The following CRADD variants were observed in gnomAD, a reference collection of about 807,000 sequenced individuals.
The protein encoded by CRADD is CARD and death domain containing adaptor protein.
Under a neutral mutation model 15.5 loss-of-function variants are expected in CRADD, and 9 were observed. The observed-to-expected ratio is 0.58, with a 90% CI of 0.35 to 1.01. The LOEUF (loss-of-function observed/expected upper bound fraction) is 1.01. Ranked by LOEUF, CRADD falls within the 50% of genes least tolerant of loss-of-function variation. The pLI is 0.02. For synonymous variants in CRADD, 118 were observed against 107.6 expected, an observed-to-expected ratio of 1.10 and a Z score of -0.60; for missense variants, 227 against 250.3, an observed-to-expected ratio of 0.91 and a Z score of 0.63.
intron 2 of CRADD, among the ~76,000 whole-genome samples, chr12:93,890,013 A>G (rs1031902017): frequency 1.3e-5 from 2 of 152,222 alleles, no homozygotes; most frequent in African/African-American, 4.8e-5. Context: ...CTCACCCCAT[A>G]CATACTCAGC....
chr12:93,697,918 A>G (rs574402726), intron 2 of CRADD, among the ~76,000 whole-genome samples: 17 of 152,286 alleles, frequency 1.1e-4, no homozygotes, highest in Non-Finnish European at 5.9e-5. Flanking sequence ...TATGAGCTCT[A>G]ATGATAATGA....
intron 2 of CRADD, among the ~76,000 whole-genome samples, chr12:93,813,273 A>C (rs1957649668): frequency 6.6e-6 from 1 of 152,258 alleles, no homozygotes; most frequent in African/African-American, 2.4e-5. Context: ...AAAAACTGGA[A>C]TCTAACGTGG....
chr12:93,768,645 A>G (rs1023434126), intron 2 of CRADD, among the ~76,000 whole-genome samples: 3 of 152,238 alleles, frequency 2.0e-5, no homozygotes, highest in African/African-American at 7.2e-5. Flanking sequence ...GTAATATATC[A>G]TGAACATGTT....
chr12:93,846,590 A>ACACACACGCGTG (rs762173726), intron 2 of CRADD: 2 of 145,758 alleles, frequency 1.4e-5, no homozygotes, highest in Non-Finnish European at 3.0e-5. Flanking sequence ...GAACACACAC[A>ACACACACGCGTG]CACACACACA....
At chr12:93,733,150 G>T (rs144949269) in intron 2 of CRADD, among the ~76,000 whole-genome samples, 4 of 152,148 alleles carry the variant, frequency 2.6e-5, no homozygotes, top group African/African-American at 9.7e-5. Flanking sequence ...TATCATTATT[G>T]TTATAAAGCT....
At chr12:93,822,067 G>A (rs1377199128) in intron 2 of CRADD, among the ~76,000 whole-genome samples, 3 of 151,624 alleles carry the variant, frequency 2.0e-5, no homozygotes, top group African/African-American at 4.8e-5. Context: ...GCAGTGAGCC[G>A]AGATTGCGCC....
intron 2 of CRADD, among the ~76,000 whole-genome samples, chr12:93,860,753 A>T (rs146085063): frequency 6.6e-6 from 1 of 152,228 alleles, no homozygotes; most frequent in East Asian, 1.9e-4. Flanking sequence ...TTTGGTTGCT[A>T]CCTAAGCAAA....
intron 2 of CRADD, chr12:93,838,127 C>T (rs1220195574): frequency 2.6e-5 from 4 of 151,858 alleles, no homozygotes; most frequent in East Asian, 1.9e-4. Context: ...CATGATTTCT[C>T]CATCTCTCTG....
downstream of CRADD, among the ~76,000 whole-genome samples, chr12:93,852,069 T>G (rs1259618680): frequency 2.0e-5 from 3 of 152,246 alleles, no homozygotes. Flanking sequence ...ATTCATTATC[T>G]TATAAAATTC....
chr12:93,789,499 A>G (rs562778686), intron 2 of CRADD, among the ~76,000 whole-genome samples: 36 of 152,324 alleles, frequency 2.4e-4, no homozygotes, highest in Non-Finnish European at 4.4e-4. Flanking sequence ...AATGTTCAGT[A>G]TAGACTTTAG....
chr12:93,700,931 G>C (rs1955831509), intron 2 of CRADD, among the ~76,000 whole-genome samples: 1 of 152,076 alleles, frequency 6.6e-6, no homozygotes, highest in African/African-American at 2.4e-5. Context: ...TCTCTCATGC[G>C]CTTCTGAGCA....
At chr12:93,777,890 C>T (rs1349079646) in intron 2 of CRADD, among the ~76,000 whole-genome samples, 2 of 152,110 alleles carry the variant, frequency 1.3e-5, no homozygotes, top group African/African-American at 4.8e-5. Flanking sequence ...CAAACCATGA[C>T]CTCCATACAT....
chr12:93,736,304 G>A (rs1348821998), intron 2 of CRADD, among the ~76,000 whole-genome samples: 1 of 152,090 alleles, frequency 6.6e-6, no homozygotes, highest in Non-Finnish European at 1.5e-5. Context: ...AAGGAACTAG[G>A]GAATAATGTT....
intron 2 of CRADD, chr12:93,735,534 A>G (rs966108251): frequency 1.3e-5 from 2 of 152,232 alleles, no homozygotes; most frequent in African/African-American, 4.8e-5. Flanking sequence ...TGTGGAATAA[A>G]TGTTGAATGA....
rs531287105 is a variant in CRADD at position 93,795,512 on chromosome 12, C to T, written c.299-54458C>T. On this transcript the variant is annotated intron_variant, in intron 2 of 2. Transcript: ENST00000332896. ...TATTTCATGGCTGCTCGCACGTCCT[C>T]TTCCCTTACAGTATTTGGACTTTAC... Among the ~76,000 whole-genome samples the T allele has an allele frequency of 3.3e-5, 5 of 152,334 alleles. No individual in the cohort carries two copies. In the East Asian group the frequency reaches 9.7e-4, roughly 29 times the overall value.
At chr12:93,808,463 G>T (rs147278595) in intron 2 of CRADD, among the ~76,000 whole-genome samples, 1 of 152,072 alleles carries the variant, frequency 6.6e-6, no homozygotes, top group Non-Finnish European at 1.5e-5. Context: ...GATCTCCACC[G>T]TGGGGATTAT....
At chr12:93,863,644 G>GTGTGTT (rs58596395) in intron 2 of CRADD, among the ~76,000 whole-genome samples, 3 of 148,698 alleles carry the variant, frequency 2.0e-5, no homozygotes, top group Admixed American at 1.3e-4. Context: ...GTGTGTGTGT[G>GTGTGTT]AAGCTGTCAT....
chr12:93,885,509 G>T (rs1334939364), intron 2 of CRADD, among the ~76,000 whole-genome samples: 1 of 150,482 alleles, frequency 6.6e-6, no homozygotes, highest in Non-Finnish European at 1.5e-5. Context: ...TGTGTTCCCT[G>T]TGAGGCTGAT....
intron 2 of CRADD, among the ~76,000 whole-genome samples, chr12:93,839,580 C>T (rs1958024124): frequency 6.6e-6 from 1 of 152,230 alleles, no homozygotes; most frequent in African/African-American, 2.4e-5. Flanking sequence ...GAACAACGTT[C>T]TCTACATCAC....
Sources: allele counts gnomAD v4.1 joint callset (sites outside exome capture counted in the v4.1 genomes callset), GRCh38; gene constraint gnomAD v4.1.1; transcripts MANE v1.5; gene names NCBI Gene and HGNC (gene_info 2026-07-23, HGNC 2026-07-21).